The following GPSM1 variants were observed in gnomAD, a reference collection of about 807,000 sequenced individuals.
GPSM1 encodes the protein G protein-signaling modulator 1.
Under a neutral mutation model 70.5 loss-of-function variants are expected in GPSM1, and 48 were observed. The ratio of observed to expected loss-of-function variants is 0.68; its 90% confidence interval spans 0.54 to 0.87. The LOEUF is 0.87. Among genes scored for constraint, GPSM1 ranks in the 40% least tolerant of loss-of-function variants. The pLI is 0.00. For missense variants in GPSM1, 981 were observed against 972.6 expected (o/e 1.01, Z -0.11); for synonymous variants, 416 against 430.1 (o/e 0.97, Z 0.41).
intron 11 of GPSM1, among the ~76,000 whole-genome samples, chr9:136,353,539 T>C (rs182339499): frequency 2.6e-5 from 4 of 152,324 alleles, no homozygotes; most frequent in Admixed American, 1.3e-4. Flanking sequence ...GTTTTGCACC[T>C]GCAGTCGTGG....
intron 2 of GPSM1, 76 bp downstream of exon 2, chr9:136,334,744 T>C (rs868985873): frequency 5.1e-6 from 6 of 1,175,748 alleles, no homozygotes; most frequent in South Asian, 2.6e-5. Context: ...GCCCTGCTGG[T>C]GGGTGAGTGG....
In GPSM1 at chr9:136,356,523, C is replaced by T; in HGVS notation, c.1794C>T (p.Asp598=). ...GCGAGCCCCAGGAGCCGGGGGACGACTTCTTCAACATGCTCATCAAGTACC... is the reference window on the plus strand; with the variant it reads ...GCGAGCCCCAGGAGCCGGGGGACGATTTCTTCAACATGCTCATCAAGTACC... ...GHGEPQEPGD[D]FFNMLIKYQS... Residue 598 remains aspartate (D), a synonymous_variant, in exon 13 of 14, where the codon GAC becomes GAT. Coordinates refer to ENST00000440944, the MANE Select transcript of GPSM1 (RefSeq NM_001145638.3). The T allele has an allele frequency of 2.5e-6, 4 of 1,611,726 alleles. No individual in the cohort carries two copies. The highest frequency in any genetic ancestry group is 3.4e-6 in the Non-Finnish European group (4 of 1,179,200).
At chr9:136,350,187 T>C (rs186218147) in intron 11 of GPSM1, among the ~76,000 whole-genome samples, 2,068 of 152,338 alleles carry the variant, frequency 0.014, 20 homozygotes, top group Non-Finnish European at 0.023. Context: ...CACAGGAGCG[T>C]GTCCCTGAAA....
chr9:136,331,001 C>T (rs550328761), intron 1 of GPSM1, among the ~76,000 whole-genome samples: 2 of 152,120 alleles, frequency 1.3e-5, no homozygotes, highest in Non-Finnish European at 2.9e-5. Context: ...GGCCTGAAGA[C>T]CCCCACCTGT....
chr9:136,341,347 G>A lies in GPSM1; in HGVS notation c.1207+354G>A. 2.8e-6 allele frequency: 4 copies of A among 1,434,602 alleles called. No homozygotes were observed. The highest frequency in any genetic ancestry group is 3.6e-6 in the Non-Finnish European group (4 of 1,101,012). The allele number at this position is 1,434,602 out of a possible 1,614,324, so 88.9% of individuals were successfully genotyped here. On this transcript the variant is annotated intron_variant, in intron 9 of 13. Transcript: ENST00000440944. The surrounding 1 kb of genome is among the most constrained non-coding windows in gnomAD (Gnocchi z 6.7). Reference sequence around the variant, plus strand: ...CCAAGTAGGAGAGGGCTGCTGGGAGGCGAGAGGGCATCAGCCAGAGGGCTG... The same window carrying A: ...CCAAGTAGGAGAGGGCTGCTGGGAGACGAGAGGGCATCAGCCAGAGGGCTG...
chr9:136,331,415 G>A (rs966497799), intron 1 of GPSM1, among the ~76,000 whole-genome samples: 78 of 152,088 alleles, frequency 5.1e-4, no homozygotes, highest in African/African-American at 1.4e-3. Context: ...TGCCAGGGAG[G>A]CTGGGGAGGG....
intron 13 of GPSM1, 58 bp downstream of exon 13, chr9:136,356,608 G>A (rs1832836564): frequency 3.8e-6 from 5 of 1,318,288 alleles, no homozygotes; most frequent in Non-Finnish European, 5.3e-6. Flanking sequence ...CACGTGTGTG[G>A]AGGCAACTTG....
At chr9:136,338,802 G>C (rs1554769744) in intron 7 of GPSM1, 92 bp downstream of exon 7, 1 of 1,258,406 alleles carries the variant, frequency 7.9e-7, no homozygotes, top group African/African-American at 1.5e-5. Flanking sequence ...CCCATCCCCT[G>C]CTCTGCCACT....
intron 3 of GPSM1, among the ~76,000 whole-genome samples, chr9:136,336,405 C>A (rs966365353): frequency 6.6e-6 from 1 of 152,188 alleles, no homozygotes; most frequent in African/African-American, 2.4e-5. Flanking sequence ...GGGGGCCCAG[C>A]GGGAGGCAGG....
chr9:136,327,591 A>AGGCGGACAGCAG lies in GPSM1; in HGVS notation c.-90_-79dup, dbSNP rs540006970. ...ACGGGCGAACGAGGCGCGGACGGAC[A>AGGCGGACAGCAG]GGCGGACAGCAGGGCGGACAGCAGG... On this transcript the variant is annotated 5_prime_UTR_variant, in exon 1 of 14. Transcript: ENST00000440944. 7.9e-5 allele frequency: 17 copies of AGGCGGACAGCAG among 215,502 alleles called. No individual in the cohort carries two copies. The highest frequency in any genetic ancestry group is 3.7e-4 in the Admixed American group (6 of 16,428). The allele number at this position is 215,502 out of a possible 1,614,324, so 13.3% of individuals were successfully genotyped here. A position where few individuals can be genotyped will look rare whatever the true frequency, so the allele number is the denominator to read the frequency against.
chr9:136,339,097 C>A (rs1412759660), intron 7 of GPSM1, among the ~76,000 whole-genome samples: 4 of 152,212 alleles, frequency 2.6e-5, no homozygotes, highest in Non-Finnish European at 5.9e-5. Flanking sequence ...TGGCCTTTCA[C>A]AGGCAGCAGA....
At position 136,341,414 on chromosome 9, in the gene GPSM1, C is replaced by T; in HGVS notation, c.1207+421C>T. Reference sequence around the variant, plus strand: ...GCTGGGCTGTGGGAGCCCTATGTGCCTGGGGCAGTAATCAGGCAAGGCCCA... The same window carrying T: ...GCTGGGCTGTGGGAGCCCTATGTGCTTGGGGCAGTAATCAGGCAAGGCCCA... On this transcript the variant is annotated intron_variant, in intron 9 of 13. Coordinates refer to ENST00000440944, the MANE Select transcript of GPSM1 (RefSeq NM_001145638.3). The surrounding 1 kb of genome is among the most constrained non-coding windows in gnomAD (Gnocchi z 6.7). The T allele has an allele frequency of 7.1e-7, 1 of 1,417,752 alleles. No homozygotes were observed. Among genetic ancestry groups the T allele is most frequent in the South Asian group, 1.5e-5 (1 of 65,758 alleles). The allele number at this position is 1,417,752 out of a possible 1,614,324, so 87.8% of individuals were successfully genotyped here.
At chr9:136,338,072 C>A (rs1216860187) in intron 6 of GPSM1, 111 bp downstream of exon 6, 4 of 711,466 alleles carry the variant, frequency 5.6e-6, no homozygotes, top group Non-Finnish European at 9.5e-6. Flanking sequence ...CCTCCCCTCC[C>A]CAGAAGGCAA....
At chr9:136,329,006 G>T (rs998057375) in intron 1 of GPSM1, among the ~76,000 whole-genome samples, 80 of 152,174 alleles carry the variant, frequency 5.3e-4, no homozygotes, top group African/African-American at 1.9e-3. Flanking sequence ...TGTGTGTGTG[G>T]AGCTGTGAGA....
chr9:136,353,631 G>C (rs1185668435), intron 11 of GPSM1, among the ~76,000 whole-genome samples: 1 of 152,202 alleles, frequency 6.6e-6, no homozygotes, highest in East Asian at 1.9e-4. Flanking sequence ...GCCCGACATA[G>C]GACCCTGAGA....
intron 4 of GPSM1, 54 bp from the exon 5 acceptor site, chr9:136,337,387 G>A (rs1342321432): frequency 6.4e-7 from 1 of 1,552,654 alleles, no homozygotes; most frequent in Admixed American, 2.0e-5. Context: ...CTAGCCTGGG[G>A]TGGGTGAGGA....
At chr9:136,349,800 A>G (rs1554771788) in intron 11 of GPSM1, 37 bp downstream of exon 11, 1 of 1,521,436 alleles carries the variant, frequency 6.6e-7, no homozygotes, top group Non-Finnish European at 8.8e-7. Context: ...GCCGAGAGGG[A>G]GGAGAGCTTG....
intron 11 of GPSM1, chr9:136,354,991 G>A (rs1832776034): frequency 1.8e-6 from 2 of 1,082,430 alleles, no homozygotes; most frequent in Non-Finnish European, 2.3e-6. Flanking sequence ...CATGAGAGGG[G>A]AGAAGTCCGG....
intron 9 of GPSM1, among the ~76,000 whole-genome samples, chr9:136,344,860 A>G (rs1832482462): frequency 1.3e-5 from 2 of 152,170 alleles, no homozygotes; most frequent in South Asian, 2.1e-4. Context: ...CCCCTCCCCA[A>G]TGGGGCGGGG....
Sources: allele counts gnomAD v4.1 joint callset (sites outside exome capture counted in the v4.1 genomes callset), GRCh38; gene constraint gnomAD v4.1.1; non-coding constraint Gnocchi (gnomAD v3.1); transcripts MANE v1.5; gene names NCBI Gene and HGNC (gene_info 2026-07-23, HGNC 2026-07-21).